RPGR: variants seen among roughly 807,000 people sequenced by gnomAD.
The protein encoded by RPGR is retinitis pigmentosa GTPase regulator.
RPGR carries 10 observed loss-of-function variants against 56.3 expected under a neutral mutation model. That is an observed-to-expected ratio of 0.18 (90% confidence interval 0.11 to 0.30). RPGR has a LOEUF of 0.30. Ranked by LOEUF, RPGR falls within the 10% of genes least tolerant of loss-of-function variation. RPGR has a pLI of 1.00. For synonymous variants in RPGR, 197 were observed against 212.9 expected (o/e 0.93, Z 0.65); for missense variants, 538 against 590.9 (o/e 0.91, Z 0.93).
rs140748292 is a variant in RPGR at position 38,269,937 on chromosome X, C to T, written c.2242-105G>A. 3,259 of 590,744 alleles carry T rather than the reference C, an allele frequency of 5.5e-3. 68 individuals carry two copies. In the African/African-American group the frequency reaches 0.06, roughly 11 times the overall value. The allele number at this position is 590,744 out of a possible 1,213,427, so 48.7% of individuals were successfully genotyped here. ...TCAACACGTAAGAACATGATTTTGTCATCTCTTTATGGGGCACCACATGTA... is the reference window on the plus strand; with the variant it reads ...TCAACACGTAAGAACATGATTTTGTTATCTCTTTATGGGGCACCACATGTA... On this transcript the variant is annotated intron_variant, in intron 18 of 18. Transcript: ENST00000642395.
chrX:38,304,955 T>C (rs1601952272), intron 7 of RPGR, 165 bp from the exon 8 acceptor site: 4 of 472,975 alleles, frequency 8.5e-6, no homozygotes, highest in Admixed American at 3.8e-5. Context: ...AATCTTTCAA[T>C]GATGAAGGAA....
intron 14 of RPGR, 33 bp downstream of exon 14, chrX:38,287,828 C>G: frequency 8.5e-7 from 1 of 1,177,602 alleles, no homozygotes; most frequent in Non-Finnish European, 1.2e-6. Context: ...CCATCAGTGT[C>G]AGCCTGAGGT....
In RPGR at chrX:38,287,016, T is replaced by G. The variant is rs2067197665; in HGVS notation, c.1905+78A>C. 2 of 1,210,562 alleles carry G rather than the reference T, an allele frequency of 1.7e-6. No individual in the cohort carries two copies. The highest frequency in any genetic ancestry group is 5.9e-5 in the East Asian group (2 of 33,751). ...GCCAGTGTTCTGCTCCTGAACTACC[T>G]TCCTCACAGGTTCCATCCCCTCTAC... On this transcript the variant is annotated intron_variant, in intron 15 of 18. Coordinates refer to ENST00000642395, the MANE Select transcript of RPGR (RefSeq NM_000328.3).
At chrX:38,282,967 G>A (rs1344911714) in intron 15 of RPGR, among the ~76,000 whole-genome samples, 1 of 111,815 alleles carries the variant, frequency 8.9e-6, no homozygotes, top group Non-Finnish European at 1.9e-5. Flanking sequence ...ACCAGCAGAT[G>A]GGAACAATAA....
intron 15 of RPGR, chrX:38,285,400 A>G: frequency 9.1e-7 from 1 of 1,104,227 alleles, no homozygotes; most frequent in Non-Finnish European, 1.2e-6. Context: ...TCCTTAACAC[A>G]GCTGCATCAG....
At chrX:38,285,985 CCCTCTCCTT>C (rs1569235619) in intron 15 of RPGR, 3 of 861,706 alleles carry the variant, frequency 3.5e-6, no homozygotes, top group Admixed American at 7.3e-5. Context: ...TTCTTCCTCT[CCCTCTCCTT>C]CTTCCTCCCC....
intron 18 of RPGR, among the ~76,000 whole-genome samples, chrX:38,271,172 C>G (rs2066836013): frequency 9.0e-6 from 1 of 111,624 alleles, no homozygotes; most frequent in Non-Finnish European, 1.9e-5. Flanking sequence ...ATAATAATAG[C>G]TTACTTCTAG....
intron 6 of RPGR, among the ~76,000 whole-genome samples, chrX:38,313,261 A>G (rs1297032324): frequency 1.8e-5 from 2 of 111,594 alleles, no homozygotes; most frequent in Non-Finnish European, 3.8e-5. Flanking sequence ...GTTCTCACGT[A>G]AGACTCTGCT....
At chrX:38,317,759 C>T in intron 5 of RPGR, 1 of 233,092 alleles carries the variant, frequency 4.3e-6, no homozygotes, top group East Asian at 9.5e-5. Context: ...ATCACCCTTT[C>T]CCATTCTGAT....
chrX:38,287,536 T>C (rs1394434924), intron 14 of RPGR: 1 of 507,995 alleles, frequency 2.0e-6, no homozygotes, highest in South Asian at 2.5e-5. Context: ...ACTTTCCCTT[T>C]TCTTAACAAA....
rs1330535186 is a variant in RPGR, at chrX:38,299,068, T to C, written c.1133A>G (p.Asp378Gly). Residue 378 changes from aspartate to glycine, a missense_variant, in exon 10 of 19, where the codon GAT (aspartate) becomes GGT (glycine). This residue lies in a region of RPGR where 357 missense variants were observed against 325.8 expected (regional missense o/e 1.10). Coordinates refer to ENST00000642395, the MANE Select transcript of RPGR (RefSeq NM_000328.3). ...AGATAAGCAAGTATCATTTATTTCA[T>C]CGAATTCAATTTCTTTTGCCACACC... The C allele has an allele frequency of 1.7e-6, 2 of 1,211,619 alleles. No individual in the cohort carries two copies. The highest frequency in any genetic ancestry group is 2.2e-6 in the Non-Finnish European group (2 of 895,472).
chrX:38,301,029 T>G (rs2067491948), intron 9 of RPGR, among the ~76,000 whole-genome samples: 1 of 111,765 alleles, frequency 8.9e-6, no homozygotes, highest in African/African-American at 3.3e-5. Context: ...AGACAAGATT[T>G]CAGCAAAAAG....
At chrX:38,278,130 C>T (rs2066967963) in intron 15 of RPGR, among the ~76,000 whole-genome samples, 1 of 112,168 alleles carries the variant, frequency 8.9e-6, no homozygotes, top group Non-Finnish European at 1.9e-5. Flanking sequence ...GAACATGGTA[C>T]CAGGGCAGAC....
At position 38,276,783 on chromosome X, in the gene RPGR, A is replaced by T. The variant is rs2066944264; in HGVS notation, c.1906-11T>A. ...AGAAAATTCATGATCCTGTGACAAA[A>T]TTGACCATCAGAGAAGAGTAAGATT... is the stretch of plus-strand genomic sequence containing the variant. On this transcript the variant is annotated splice_polypyrimidine_tract_variant and intron_variant, in intron 15 of 18. Transcript: ENST00000642395. The T allele has an allele frequency of 8.4e-7, 1 of 1,185,985 alleles. No individual in the cohort carries two copies. Among genetic ancestry groups the T allele is most frequent in the Non-Finnish European group, 1.1e-6 (1 of 874,265 alleles).
At chrX:38,288,150 G>A in intron 13 of RPGR, 109 bp from the exon 14 acceptor site, 1 of 704,046 alleles carries the variant, frequency 1.4e-6, no homozygotes. Context: ...AAGTTTAGGA[G>A]AATCAAAATA....
chrX:38,301,099 C>T (rs1047124161), intron 9 of RPGR, 148 bp downstream of exon 9: 2 of 496,926 alleles, frequency 4.0e-6, no homozygotes, highest in Non-Finnish European at 6.3e-6. Context: ...TAATGTCTGA[C>T]ATTTGGCTTT....
intron 8 of RPGR, among the ~76,000 whole-genome samples, chrX:38,304,243 GCT>G: frequency 8.9e-6 from 1 of 111,978 alleles, no homozygotes; most frequent in East Asian, 2.8e-4. Flanking sequence ...CCTGAATGCA[GCT>G]CTGTCAGACT....
chrX:38,327,183 G>A (rs951043808), intron 1 of RPGR, among the ~76,000 whole-genome samples, 157 bp downstream of exon 1: 1 of 113,075 alleles, frequency 8.8e-6, no homozygotes, highest in African/African-American at 3.2e-5. Context: ...CCGGTCCTCT[G>A]CCCTCAGTCA....
rs114972812 is a variant in RPGR at position 38,299,344 on chromosome X, C to T, written c.1060-203G>A. ...ATACAATAGGTACACAATTACCATA[C>T]ATATTCTTTAAACATTGTGATTGAA... is the stretch of plus-strand genomic sequence containing the variant. On this transcript the variant is annotated intron_variant, in intron 9 of 18. Coordinates refer to ENST00000642395, the MANE Select transcript of RPGR (RefSeq NM_000328.3). 0.03 allele frequency among the ~76,000 whole-genome samples: 3,351 copies of T among 112,306 alleles called. 74 individuals carry two copies. The highest frequency in any genetic ancestry group is 0.082 in the African/African-American group (2,544 of 30,919).
Sources: gnomAD v4.1 joint callset for allele counts (sites outside exome capture counted in the v4.1 genomes callset) on GRCh38, gnomAD v4.1.1 for gene constraint, gnomAD v4.1.1 regional missense constraint, MANE v1.5 for transcripts, NCBI Gene and HGNC (gene_info 2026-07-23, HGNC 2026-07-21) for gene names.